Variants in DIABLO observed in about 807,000 individuals in gnomAD.
The protein encoded by DIABLO is diablo homolog, mitochondrial.
In DIABLO, 32 loss-of-function variants were observed where a neutral mutation model predicts 31.7. The observed-to-expected ratio is 1.01, with a 90% CI of 0.76 to 1.35. DIABLO has a LOEUF of 1.35. Ranked by LOEUF, DIABLO falls within the 40% of genes most tolerant of loss-of-function variation. The probability of loss-of-function intolerance (pLI) is 0.00; values close to 1 mark genes in which losing one functional copy is unlikely to be tolerated. For synonymous variants in DIABLO, 132 were observed against 103.2 expected (o/e 1.28, Z -1.69); for missense variants, 316 against 286.4 (o/e 1.10, Z -0.75).
intron 5 of DIABLO, 77 bp from the exon 6 acceptor site, chr12:122,208,654 G>A (rs1208719148): frequency 3.4e-6 from 5 of 1,466,454 alleles, no homozygotes; most frequent in Non-Finnish European, 4.7e-6. Context: ...GCCTGGGGGT[G>A]CTGTGGCTGT....
chr12:122,220,338 A>C, intron 2 of DIABLO, among the ~76,000 whole-genome samples: 1 of 152,138 alleles, frequency 6.6e-6, no homozygotes, highest in Admixed American at 6.5e-5. Context: ...GGCAACTGTA[A>C]TGACACATCC....
chr12:122,225,937 T>C (rs777094876), intron 1 of DIABLO, 28 bp downstream of exon 1: 5 of 1,576,672 alleles, frequency 3.2e-6, no homozygotes, highest in African/African-American at 1.4e-5. Context: ...CCTCTGGTCC[T>C]GTCCCCTCTA....
intron 2 of DIABLO, among the ~76,000 whole-genome samples, chr12:122,223,586 C>T (rs1397865770): frequency 6.6e-6 from 1 of 152,196 alleles, no homozygotes; most frequent in Admixed American, 6.5e-5. Flanking sequence ...CCTCCAGACA[C>T]ATTAGCTCCA....
Position 122,215,882 on chromosome 12 carries a change from G to GA in DIABLO, c.523+605_523+606insT, listed in dbSNP as rs1566024318. ...TAAAACCCCATCTCTATTTTATGAA[G>GA]GAAAAAAAAAAAAAAAAAAAAAAGA... On this transcript the variant is annotated intron_variant, in intron 5 of 5. Coordinates refer to ENST00000464942, the MANE Select transcript of DIABLO (RefSeq NM_001371333.1). Among the ~76,000 whole-genome samples, 32 of 20,924 alleles carry GA rather than the reference G, an allele frequency of 1.5e-3. 6 individuals carry two copies. The highest frequency in any genetic ancestry group is 3.4e-3 in the East Asian group (2 of 584). The allele number at this position is 20,924 out of a possible 152,430, so 13.7% of individuals were successfully genotyped here.
intron 5 of DIABLO, chr12:122,209,665 C>A (rs759270805): frequency 1.8e-5 from 12 of 683,166 alleles, no homozygotes; most frequent in East Asian, 5.4e-5. Context: ...TCGTCTCCCC[C>A]CCAAAAAAAA....
At chr12:122,225,506 G>C in intron 1 of DIABLO, 1 of 1,047,556 alleles carries the variant, frequency 9.5e-7, no homozygotes, top group Non-Finnish European at 1.2e-6. Flanking sequence ...AGTTGTGTGT[G>C]ACGGTCCCGC....
At chr12:122,212,121 C>T (rs182020601) in intron 5 of DIABLO, among the ~76,000 whole-genome samples, 2 of 151,742 alleles carry the variant, frequency 1.3e-5, no homozygotes, top group East Asian at 3.9e-4. Flanking sequence ...TAGGTGTGAA[C>T]TACTGCACGT....
intron 5 of DIABLO, among the ~76,000 whole-genome samples, chr12:122,211,106 AAAAAAAAT>A: frequency 6.7e-6 from 1 of 148,642 alleles, no homozygotes; most frequent in East Asian, 2.0e-4. Context: ...AAAAAAAAAA[AAAAAAAAT>A]CACAGACGGG....
At chr12:122,213,270 C>T (rs914180507) in intron 5 of DIABLO, among the ~76,000 whole-genome samples, 2 of 151,856 alleles carry the variant, frequency 1.3e-5, no homozygotes, top group African/African-American at 4.8e-5. Flanking sequence ...TGTCTCATGT[C>T]TGTAATCCCA....
chr12:122,215,964 C>CGAAT (rs1215748197), intron 5 of DIABLO, among the ~76,000 whole-genome samples: 3 of 151,502 alleles, frequency 2.0e-5, no homozygotes, highest in African/African-American at 4.9e-5. Context: ...TCATCTTAGC[C>CGAAT]GAATGATCTG....
intron 5 of DIABLO, among the ~76,000 whole-genome samples, chr12:122,214,004 G>C (rs1954146623): frequency 6.6e-6 from 1 of 152,124 alleles, no homozygotes; most frequent in Non-Finnish European, 1.5e-5. Context: ...AGAATTGCTT[G>C]AAGCAGGGAG....
chr12:122,212,802 T>C (rs569800181), intron 5 of DIABLO, among the ~76,000 whole-genome samples: 2 of 151,604 alleles, frequency 1.3e-5, no homozygotes, highest in Admixed American at 6.6e-5. Context: ...TTTTTTTGTA[T>C]TTTTAGTAGA....
chr12:122,215,882 G>GAAA (rs1566024318), intron 5 of DIABLO, among the ~76,000 whole-genome samples: 11 of 20,866 alleles, frequency 5.3e-4, no homozygotes, highest in East Asian at 3.5e-3. Flanking sequence ...ATTTTATGAA[G>GAAA]GAAAAAAAAA....
rs372537324 is a variant in DIABLO, at chr12:122,216,601, A to C, written c.427-17T>G. 1 of 1,612,372 alleles carries C rather than the reference A, an allele frequency of 6.2e-7. No homozygotes were observed. The stretch of plus-strand genomic sequence containing the variant: ...TGAAGTCATCTATATAAATCAAGCA[A>C]AGTGCTTCAGACAGCATAAGAGGTC... On this transcript the variant is annotated splice_polypyrimidine_tract_variant and intron_variant, in intron 4 of 5. Coordinates refer to ENST00000464942, the MANE Select transcript of DIABLO (RefSeq NM_001371333.1).
chr12:122,223,541 T>G (rs1195874733), intron 2 of DIABLO, among the ~76,000 whole-genome samples: 1 of 152,008 alleles, frequency 6.6e-6, no homozygotes, highest in African/African-American at 2.4e-5. Context: ...ATCAGTTAAC[T>G]CTCTGGCTTC....
rs747361333 is a variant in DIABLO, at chr12:122,224,527, C to T, written c.168G>A (p.Ala56=). 5 of 1,613,566 alleles carry T rather than the reference C, an allele frequency of 3.1e-6. No homozygotes were observed. Among genetic ancestry groups the T allele is most frequent in the East Asian group, 4.5e-5 (2 of 44,876 alleles). ...VTIGFGVTLC[A]VPIAQKSEPH... ...ACGACAGTACCTGTGCAATAGGAAC[C>T]GCACACAGGGTTACTCCAAAGCCAA... Residue 56 remains alanine, a synonymous_variant, in exon 2 of 6, where the codon GCG becomes GCA. Transcript: ENST00000464942.
At chr12:122,213,368 G>A (rs1413706099) in intron 5 of DIABLO, among the ~76,000 whole-genome samples, 9 of 151,928 alleles carry the variant, frequency 5.9e-5, no homozygotes, top group South Asian at 2.1e-4. Flanking sequence ...TGTCTCTACC[G>A]GAAACATATA....
In DIABLO at chr12:122,208,515, C is replaced by T. The variant is rs1953992390; in HGVS notation, c.586G>A (p.Glu196Lys). ...HIQLVKLQVE[E>K]VHQLSRKAET... ...GCTTTCCGGGAGAGCTGGTGCACCTCTTCCACCTGCAGTTTCACCAGCTGA... is the reference window on the plus strand; with the variant it reads ...GCTTTCCGGGAGAGCTGGTGCACCTTTTCCACCTGCAGTTTCACCAGCTGA... The change falls in exon 6 of 6, where the codon GAG becomes AAG. Residue 196 changes from glutamate (E) to lysine (K), a missense_variant. Coordinates refer to ENST00000464942, the MANE Select transcript of DIABLO (RefSeq NM_001371333.1). 1 of 1,614,014 alleles carries T rather than the reference C, an allele frequency of 6.2e-7. No individual in the cohort carries two copies. The highest frequency in any genetic ancestry group is 8.5e-7 in the Non-Finnish European group (1 of 1,180,048).
chr12:122,211,747 G>C (rs529316679), intron 5 of DIABLO, among the ~76,000 whole-genome samples: 2 of 152,212 alleles, frequency 1.3e-5, no homozygotes, highest in East Asian at 3.9e-4. Context: ...GTCTTGACCT[G>C]CAAGCGTGCT....
Sources: allele counts gnomAD v4.1 joint callset (sites outside exome capture counted in the v4.1 genomes callset), GRCh38; gene constraint gnomAD v4.1.1; transcripts MANE v1.5; gene names NCBI Gene and HGNC (gene_info 2026-07-23, HGNC 2026-07-21).